The following ACYP2 variants were observed in gnomAD, a reference collection of about 807,000 sequenced individuals.
The protein encoded by ACYP2 is acylphosphatase 2.
Under a neutral mutation model 11.2 loss-of-function variants are expected in ACYP2, and 12 were observed. That is an observed-to-expected ratio of 1.08 (90% CI 0.69 to 1.74). The LOEUF is 1.74. Ranked by LOEUF, ACYP2 falls within the 40% of genes most tolerant of loss-of-function variation. The probability of loss-of-function intolerance (pLI) is 0.00; values close to 1 mark genes in which losing one functional copy is unlikely to be tolerated. For synonymous variants in ACYP2, 43 were observed against 32.2 expected, an observed-to-expected ratio of 1.33 and a Z score of -1.13; for missense variants, 134 against 101.9, an observed-to-expected ratio of 1.31 and a Z score of -1.35.
At chr2:54,147,120 T>C (rs779009513) in intron 6 of ACYP2, among the ~76,000 whole-genome samples, 1 of 152,148 alleles carries the variant, frequency 6.6e-6, no homozygotes, top group Non-Finnish European at 1.5e-5. Context: ...TTCTATTTCT[T>C]CTAAGTTACT....
At chr2:54,253,770 T>C (rs1687348046) in intron 6 of ACYP2, 1 of 152,190 alleles carries the variant, frequency 6.6e-6, no homozygotes, top group Non-Finnish European at 1.5e-5. Flanking sequence ...AGCTCTGTAG[T>C]CCTTTAAACC....
intron 4 of ACYP2, among the ~76,000 whole-genome samples, chr2:54,093,240 A>AT (rs1211274743): frequency 6.6e-6 from 1 of 152,234 alleles, no homozygotes; most frequent in Non-Finnish European, 1.5e-5. Flanking sequence ...TCTAAGGGTG[A>AT]TAAAAATCAA....
At chr2:54,156,663 A>G (rs568522433) in intron 6 of ACYP2, among the ~76,000 whole-genome samples, 3 of 152,040 alleles carry the variant, frequency 2.0e-5, no homozygotes, top group African/African-American at 7.2e-5. Context: ...TTTCTTATTT[A>G]TGTATTCATT....
At chr2:54,139,758 C>T (rs1468181047) in intron 6 of ACYP2, among the ~76,000 whole-genome samples, 1 of 152,128 alleles carries the variant, frequency 6.6e-6, no homozygotes, top group Non-Finnish European at 1.5e-5. Context: ...TAACGTAACA[C>T]TGAGAAGTAT....
intron 2 of ACYP2, among the ~76,000 whole-genome samples, chr2:54,004,611 A>C (rs556325853): frequency 3.3e-5 from 5 of 150,292 alleles, no homozygotes; most frequent in Non-Finnish European, 5.9e-5. Flanking sequence ...CGGGTTTCAC[A>C]GTGTTAGCCA....
chr2:54,218,609 T>C (rs1407380824), intron 6 of ACYP2, among the ~76,000 whole-genome samples: 1 of 152,200 alleles, frequency 6.6e-6, no homozygotes, highest in Non-Finnish European at 1.5e-5. Flanking sequence ...CCAATTAAAG[T>C]AACATAACCA....
intron 6 of ACYP2, among the ~76,000 whole-genome samples, chr2:54,178,257 C>G (rs1683552379): frequency 6.6e-6 from 1 of 152,062 alleles, no homozygotes; most frequent in Non-Finnish European, 1.5e-5. Context: ...TGATTTTTAT[C>G]ACAATACATC....
At chr2:53,978,427 T>G (rs1361336615) in intron 2 of ACYP2, among the ~76,000 whole-genome samples, 1 of 152,194 alleles carries the variant, frequency 6.6e-6, no homozygotes, top group Non-Finnish European at 1.5e-5. Context: ...TACAGCATAA[T>G]GATGTTTTGG....
At chr2:54,087,195 T>C (rs888838747) in intron 4 of ACYP2, among the ~76,000 whole-genome samples, 9 of 152,234 alleles carry the variant, frequency 5.9e-5, no homozygotes, top group African/African-American at 2.2e-4. Context: ...AAAATTATAA[T>C]ATTAATCCAT....
chr2:53,990,520 C>T (rs1446025445), intron 2 of ACYP2, among the ~76,000 whole-genome samples: 1 of 150,348 alleles, frequency 6.7e-6, no homozygotes, highest in Non-Finnish European at 1.5e-5. Context: ...GTGGTGGCGG[C>T]CACCTGTAAT....
chr2:54,002,615 G>A (rs1474834246), intron 2 of ACYP2, among the ~76,000 whole-genome samples: 2 of 149,104 alleles, frequency 1.3e-5, no homozygotes, highest in South Asian at 2.1e-4. Flanking sequence ...AAAGTGCTAG[G>A]ATTATAGGCA....
intron 4 of ACYP2, among the ~76,000 whole-genome samples, chr2:54,114,637 T>C (rs752891048): frequency 3.3e-5 from 5 of 152,136 alleles, no homozygotes; most frequent in Non-Finnish European, 4.4e-5. Flanking sequence ...TGAGCTGAGA[T>C]TGCACTACTG....
intron 6 of ACYP2, among the ~76,000 whole-genome samples, chr2:54,273,355 A>T (rs1688400449): frequency 6.6e-6 from 1 of 152,264 alleles, no homozygotes; most frequent in South Asian, 2.1e-4. Context: ...TATGCCAAAA[A>T]ATTCCAAAGG....
At chr2:54,123,225 GAA>G (rs990194921) in intron 4 of ACYP2, 11 of 396,918 alleles carry the variant, frequency 2.8e-5, no homozygotes, top group Non-Finnish European at 4.4e-5. Context: ...CCGCTAGAGA[GAA>G]AGATGCTTTC....
At position 54,199,071 on chromosome 2, in the gene ACYP2, T is replaced by C. The variant is rs987998586; in HGVS notation, c.404+60323T>C. ...GAGAGGATATTATAGGGTTTCTTGG[T>C]CATTTAGGTTTCTCAGAACACCATT... On this transcript the variant is annotated intron_variant, in intron 6 of 6. Transcript: ENST00000607452. 2.0e-5 allele frequency among the ~76,000 whole-genome samples: 3 copies of C among 152,136 alleles called. No homozygotes were observed. The South Asian group carries it at 6.2e-4, about 32-fold the overall frequency.
intron 4 of ACYP2, chr2:54,082,547 A>G (rs1170426272): frequency 2.0e-5 from 3 of 152,176 alleles, no homozygotes; most frequent in Admixed American, 6.5e-5. Context: ...CACCCAACCT[A>G]TAGTTCCTTT....
At chr2:54,131,184 T>A (rs1680878114) in intron 4 of ACYP2, among the ~76,000 whole-genome samples, 1 of 152,266 alleles carries the variant, frequency 6.6e-6, no homozygotes. Flanking sequence ...TAGATTTACC[T>A]GAGTTACCTC....
At chr2:54,215,650 A>G (rs574383997) in intron 6 of ACYP2, among the ~76,000 whole-genome samples, 1 of 152,292 alleles carries the variant, frequency 6.6e-6, no homozygotes, top group East Asian at 1.9e-4. Context: ...TAAATTGTGT[A>G]AATTTATAAC....
intron 6 of ACYP2, among the ~76,000 whole-genome samples, chr2:54,141,249 C>G (rs901755895): frequency 1.3e-5 from 2 of 152,074 alleles, no homozygotes; most frequent in African/African-American, 4.8e-5. Context: ...TATAATTTGC[C>G]TATTGGTTTC....
Sources: gnomAD v4.1 joint callset for allele counts (sites outside exome capture counted in the v4.1 genomes callset) on GRCh38, gnomAD v4.1.1 for gene constraint, MANE v1.5 for transcripts, NCBI Gene and HGNC (gene_info 2026-07-23, HGNC 2026-07-21) for gene names.